The following LRP1B variants were observed in gnomAD, a reference collection of about 807,000 sequenced individuals.
The protein encoded by LRP1B is low-density lipoprotein receptor-related protein 1B.
LRP1B carries 217 observed loss-of-function variants against 556.6 expected under a neutral mutation model. The ratio of observed to expected loss-of-function variants is 0.39; its 90% confidence interval spans 0.35 to 0.44. The LOEUF (loss-of-function observed/expected upper bound fraction) is 0.44, where lower values mean the gene tolerates loss of function less well. Among genes scored for constraint, LRP1B ranks in the 20% least tolerant of loss-of-function variants. The pLI, the probability that LRP1B is intolerant of heterozygous loss-of-function variation, is 1.00. For missense variants in LRP1B, 5,053 were observed against 5,620.8 expected, an observed-to-expected ratio of 0.90 and a Z score of 3.23; for synonymous variants, 2,047 against 1,865.8, an observed-to-expected ratio of 1.10 and a Z score of -2.50.
At chr2:140,908,107 AT>A in intron 21 of LRP1B, 30 bp from the exon 22 acceptor site, 1 of 1,564,852 alleles carries the variant, frequency 6.4e-7, no homozygotes, top group Non-Finnish European at 8.8e-7. Context: ...TGTCAGTTTG[AT>A]TTTTGTGATT....
At position 140,288,207 on chromosome 2, in the gene LRP1B, C is replaced by T. The variant is rs531841032; in HGVS notation, c.12967+9601G>A. On this transcript the variant is annotated intron_variant, in intron 84 of 90. Coordinates refer to ENST00000389484, the MANE Select transcript of LRP1B (RefSeq NM_018557.3). ...CATACTGACTCATAGTCTCTTTTGC[C>T]ATTCTTATCTATAATAAGGATAAAT... 9.9e-5 allele frequency among the ~76,000 whole-genome samples: 15 copies of T among 151,068 alleles called. No individual in the cohort carries two copies. The South Asian group carries it at 3.1e-3, about 32-fold the overall frequency.
intron 29 of LRP1B, among the ~76,000 whole-genome samples, chr2:140,846,717 T>A (rs10166257): frequency 3.3e-5 from 5 of 151,720 alleles, no homozygotes; most frequent in African/African-American, 1.2e-4. Flanking sequence ...AGAAGCCCAA[T>A]AGAGAGACGA....
intron 1 of LRP1B, among the ~76,000 whole-genome samples, chr2:142,067,098 C>T (rs868638331): frequency 2.1e-4 from 32 of 151,476 alleles, no homozygotes; most frequent in Middle Eastern, 3.2e-3. Context: ...TCATTCCAAA[C>T]TCTGCTTCTG....
intron 51 of LRP1B, among the ~76,000 whole-genome samples, chr2:140,511,426 G>C (rs945893784): frequency 3.4e-5 from 5 of 146,982 alleles, no homozygotes; most frequent in Non-Finnish European, 6.0e-5. Context: ...CTCAGCCTCC[G>C]GAGTAGCTGG....
intron 81 of LRP1B, among the ~76,000 whole-genome samples, chr2:140,322,558 A>ATGTAGCTTGTCAGTACAAGGTAT (rs2307704): frequency 0.066 from 8,457 of 128,912 alleles, 796 homozygotes; most frequent in African/African-American, 0.22. Flanking sequence ...GAAAATGCAT[A>ATGTAGCTTGTCAGTACAAGGTAT]TGTAGCTTGT....
At chr2:140,451,165 C>T (rs184318041) in intron 62 of LRP1B, among the ~76,000 whole-genome samples, 1 of 152,254 alleles carries the variant, frequency 6.6e-6, no homozygotes, top group East Asian at 1.9e-4. Flanking sequence ...TGATCTCAAA[C>T]TCCTGGGCTC....
At chr2:141,335,616 G>A (rs1687820100) in intron 3 of LRP1B, among the ~76,000 whole-genome samples, 1 of 152,052 alleles carries the variant, frequency 6.6e-6, no homozygotes, top group South Asian at 2.1e-4. Context: ...ATCCACTAGA[G>A]ACAGTGAAAT....
chr2:140,514,178 G>A lies in LRP1B; in HGVS notation c.8269+475C>T, dbSNP rs1177935358. The stretch of plus-strand genomic sequence containing the variant: ...GTGCATTTTAATATCATATAAAATA[G>A]CCACTTTCCTTTACTTCTTATTTAA... On this transcript the variant is annotated intron_variant, in intron 51 of 90. Transcript: ENST00000389484. 2.0e-5 allele frequency among the ~76,000 whole-genome samples: 3 copies of A among 151,796 alleles called. No individual in the cohort carries two copies. The East Asian group carries it at 5.8e-4, about 29-fold the overall frequency.
intron 2 of LRP1B, among the ~76,000 whole-genome samples, chr2:141,490,777 C>T (rs1304194221): frequency 6.6e-6 from 1 of 152,018 alleles, no homozygotes; most frequent in Admixed American, 6.6e-5. Context: ...AAAATCAGTG[C>T]TCTTTTAGGT....
At chr2:141,560,768 G>T (rs1171419012) in intron 2 of LRP1B, among the ~76,000 whole-genome samples, 2 of 151,410 alleles carry the variant, frequency 1.3e-5, no homozygotes, top group Non-Finnish European at 3.0e-5. Flanking sequence ...CTAGTTTCAG[G>T]TCAGAAGATT....
intron 2 of LRP1B, among the ~76,000 whole-genome samples, chr2:141,624,027 A>G (rs1392730750): frequency 8.0e-6 from 1 of 125,050 alleles, no homozygotes; most frequent in African/African-American, 3.1e-5. Flanking sequence ...AAAAAAAAAA[A>G]AAATTAAACA....
chr2:142,107,001 A>G (rs1308628366), intron 1 of LRP1B, among the ~76,000 whole-genome samples: 1 of 152,112 alleles, frequency 6.6e-6, no homozygotes, highest in Non-Finnish European at 1.5e-5. Flanking sequence ...ATTTAAGACA[A>G]AAATGTATAT....
intron 11 of LRP1B, among the ~76,000 whole-genome samples, chr2:141,029,680 G>A (rs1326465895): frequency 1.3e-5 from 2 of 152,068 alleles, no homozygotes; most frequent in African/African-American, 2.4e-5. Flanking sequence ...GAGACTCCCG[G>A]GCAGGGTAAC....
At chr2:141,871,313 C>T (rs1698580184) in intron 1 of LRP1B, among the ~76,000 whole-genome samples, 1 of 151,846 alleles carries the variant, frequency 6.6e-6, no homozygotes, top group African/African-American at 2.4e-5. Context: ...AAAAACTCTT[C>T]CTTTTTCCAG....
intron 2 of LRP1B, among the ~76,000 whole-genome samples, chr2:141,562,805 C>T (rs1686209184): frequency 6.6e-6 from 1 of 151,924 alleles, no homozygotes; most frequent in Admixed American, 6.6e-5. Flanking sequence ...AATTAGACTC[C>T]ATTCTGTAGA....
At chr2:141,747,465 T>C (rs906753597) in intron 2 of LRP1B, among the ~76,000 whole-genome samples, 2 of 152,266 alleles carry the variant, frequency 1.3e-5, no homozygotes, top group East Asian at 1.9e-4. Context: ...TCTGCAAATA[T>C]GTGATCTTTT....
At chr2:141,138,398 C>T (rs1442685541) in intron 7 of LRP1B, among the ~76,000 whole-genome samples, 1 of 151,800 alleles carries the variant, frequency 6.6e-6, no homozygotes, top group Non-Finnish European at 1.5e-5. Context: ...CTATTCAATA[C>T]AGTACTTGAA....
chr2:141,081,576 T>A (rs1699923163), intron 7 of LRP1B, among the ~76,000 whole-genome samples: 1 of 152,204 alleles, frequency 6.6e-6, no homozygotes, highest in African/African-American at 2.4e-5. Flanking sequence ...GGGATAAATG[T>A]CAGTTTACTG....
intron 41 of LRP1B, among the ~76,000 whole-genome samples, chr2:140,610,007 G>C (rs1190724885): frequency 6.6e-6 from 1 of 151,054 alleles, no homozygotes; most frequent in Non-Finnish European, 1.5e-5. Flanking sequence ...CTGGCCACAG[G>C]GTGTTCTTTT....
Sources: allele counts gnomAD v4.1 joint callset (sites outside exome capture counted in the v4.1 genomes callset), GRCh38; gene constraint gnomAD v4.1.1; transcripts MANE v1.5; gene names NCBI Gene and HGNC (gene_info 2026-07-23, HGNC 2026-07-21).